The following HERC2 variants were observed in gnomAD, a reference collection of about 807,000 sequenced individuals.
The protein encoded by HERC2 is HECT and RLD domain containing E3 ubiquitin protein ligase 2, also known as E3 ubiquitin-protein ligase HERC2.
Under a neutral mutation model 537.7 loss-of-function variants are expected in HERC2, and 102 were observed. The ratio of observed to expected loss-of-function variants is 0.19; its 90% CI spans 0.16 to 0.22. The LOEUF is 0.22. Among genes scored for constraint, HERC2 ranks in the 10% least tolerant of loss-of-function variants. The probability of loss-of-function intolerance (pLI) is 1.00; values close to 1 mark genes in which losing one functional copy is unlikely to be tolerated. For synonymous variants in HERC2, 2,224 were observed against 2,466.2 expected (o/e 0.90, Z 2.91); for missense variants, 4,236 against 6,198.2 (o/e 0.68, Z 10.63).
chr15:28,191,209 A>G lies in HERC2; in HGVS notation c.8487T>C (p.Leu2829=), dbSNP rs749559341. The change falls in exon 54 of 93, where the codon CTT becomes CTC. Residue 2829 remains leucine (L), a synonymous_variant. Transcript: ENST00000261609. The part of the protein sequence containing the change: ...WIRLEIFPDV[L]VHRLKMIVDP... Reference sequence around the variant, plus strand: ...CTACGATCATTTTTAATCTATGAACAAGAACATCTGGGAAAATCTCCAAAC... The same window carrying G: ...CTACGATCATTTTTAATCTATGAACGAGAACATCTGGGAAAATCTCCAAAC... The G allele has an allele frequency of 1.9e-6, 3 of 1,613,878 alleles. No homozygotes were observed. The East Asian group carries it at 6.7e-5, about 36-fold the overall frequency.
In HERC2 at chr15:28,122,405, G is replaced by A. The variant is rs1201721908; in HGVS notation, c.13189-976C>T. 2.0e-5 allele frequency among the ~76,000 whole-genome samples: 3 copies of A among 152,310 alleles called. No homozygotes were observed. Among genetic ancestry groups the A allele is most frequent in the African/African-American group, 7.2e-5 (3 of 41,572 alleles). Reference sequence around the variant, plus strand: ...GGAGCACAAGGGTCCCTCAGTGGAGGCTGAGCCCTTGCCCAGCTCAAAGCC... The same window carrying A: ...GGAGCACAAGGGTCCCTCAGTGGAGACTGAGCCCTTGCCCAGCTCAAAGCC... On this transcript the variant is annotated intron_variant, in intron 85 of 92. Transcript: ENST00000261609. The surrounding 1 kb of genome is among the most constrained non-coding windows in gnomAD (Gnocchi z 4.1).
Position 28,292,938 on chromosome 15 carries a change from A to G in HERC2, c.272T>C (p.Ile91Thr), listed in dbSNP as rs1320478989. ...GTCCAGAATTGACTTGGCCCTATATATAGGTGCAGGAGTTTCTTCTTCATC... is the reference window on the plus strand; with the variant it reads ...GTCCAGAATTGACTTGGCCCTATATGTAGGTGCAGGAGTTTCTTCTTCATC... ...KKDEEETPAP[I>T]YRAKSILDSW... The change falls in exon 4 of 93, where the codon ATA becomes ACA. Residue 91 changes from isoleucine to threonine, a missense_variant. By Grantham distance (89) the Ile-to-Thr change is moderately conservative. This residue lies in a region of HERC2 where 491 missense variants were observed against 559.3 expected (regional missense o/e 0.88). Transcript: ENST00000261609. 6.2e-7 allele frequency: 1 copy of G among 1,611,150 alleles called. No homozygotes were observed. The highest frequency in any genetic ancestry group is 8.5e-7 in the Non-Finnish European group (1 of 1,179,554).
At chr15:28,227,391 T>A (rs1901306921) in intron 35 of HERC2, among the ~76,000 whole-genome samples, 1 of 151,706 alleles carries the variant, frequency 6.6e-6, no homozygotes, top group Non-Finnish European at 1.5e-5. Flanking sequence ...TCATTCATCA[T>A]TAGTGAAATG....
At position 28,218,050 on chromosome 15, in the gene HERC2, G is replaced by A. The variant is rs563547881; in HGVS notation, c.6028+439C>T. ...GAAGCCCTAACCCCTATCGTACCTCGGCAGGTGACCTTGTTTGGAAATAGG... is the reference window on the plus strand; with the variant it reads ...GAAGCCCTAACCCCTATCGTACCTCAGCAGGTGACCTTGTTTGGAAATAGG... On this transcript the variant is annotated intron_variant, in intron 38 of 92. Coordinates refer to ENST00000261609, the MANE Select transcript of HERC2 (RefSeq NM_004667.6). Among the ~76,000 whole-genome samples the A allele has an allele frequency of 3.2e-3, 492 of 151,800 alleles. 3 individuals carry two copies. The highest frequency in any genetic ancestry group is 9.6e-3 in the African/African-American group (397 of 41,142).
rs543007816 is a variant in HERC2 at position 28,186,748 on chromosome 15, T to A, written c.8654A>T (p.His2885Leu). The change falls in exon 56 of 93, where the codon CAC (histidine) becomes CTC (leucine). Residue 2885 changes from histidine (H) to leucine (L), a missense_variant. Physicochemically the swap from His to Leu is moderately conservative, Grantham distance 99 (BLOSUM62 -3). Transcript: ENST00000261609. ...CTTTATAGCAATTTCAATATACCTG[T>A]GATACTAGACACAAAAACCATGATC... ...VPLLNDCTEYHRYIEIAIKQC... is the reference protein window; with the variant it reads ...VPLLNDCTEYLRYIEIAIKQC... 19 of 1,611,844 alleles carry A rather than the reference T, an allele frequency of 1.2e-5. No homozygotes were observed. Among genetic ancestry groups the A allele is most frequent in the Admixed American group, 3.3e-5 (2 of 59,990 alleles).
intron 4 of HERC2, among the ~76,000 whole-genome samples, chr15:28,289,031 C>G (rs1274041534): frequency 6.6e-6 from 1 of 151,852 alleles, no homozygotes; most frequent in Admixed American, 6.6e-5. Flanking sequence ...AGTCAGAGCA[C>G]TGCCCCGCAG....
chr15:28,239,210 T>A (rs114983518), intron 23 of HERC2, among the ~76,000 whole-genome samples: 2,937 of 152,220 alleles, frequency 0.019, 97 homozygotes, highest in African/African-American at 0.067. Context: ...TGTGTTCAAT[T>A]AATAATCAAA....
chr15:28,309,154 T>C (rs111843121), intron 2 of HERC2, among the ~76,000 whole-genome samples: 291 of 152,312 alleles, frequency 1.9e-3, no homozygotes, highest in African/African-American at 6.6e-3. Context: ...TGAAATGTTC[T>C]AGAAATATCT....
chr15:28,146,099 C>T, intron 71 of HERC2, 138 bp downstream of exon 71: 1 of 639,706 alleles, frequency 1.6e-6, no homozygotes, highest in Non-Finnish European at 2.8e-6. Flanking sequence ...CTGTGTTTCA[C>T]AGCTGAATAG....
In HERC2 at chr15:28,132,751, C is replaced by A; in HGVS notation, c.12310G>T (p.Ala4104Ser). The A allele has an allele frequency of 6.2e-7, 1 of 1,608,564 alleles. No individual in the cohort carries two copies. The highest frequency in any genetic ancestry group is 8.5e-7 in the Non-Finnish European group (1 of 1,177,646). Residue 4104 changes from alanine (A) to serine (S), a missense_variant, in exon 80 of 93, where the codon GCC becomes TCC. Around this residue, in one of 27 missense-constraint regions of HERC2, gnomAD observed 94 missense variants for 137.4 expected, o/e 0.68. Transcript: ENST00000261609. ...VDVAAGGAHS[A>S]CVTAAGDLYT... ...AGGTCCCCGGCTGCTGTGACACAGG[C>A]GCTGTGGGCTCCGCCAGCAGCAACA...
chr15:28,260,679 A>T lies in HERC2; in HGVS notation c.2316+98T>A, dbSNP rs984601636. ...TTTAGCACAACTGCAGGACACAAGA[A>T]CAACAAACAAAACTCAGTGGTATTT... On this transcript the variant is annotated intron_variant, in intron 16 of 92. Transcript: ENST00000261609. 7.2e-6 allele frequency: 7 copies of T among 978,986 alleles called. No homozygotes were observed. In the African/African-American group the frequency reaches 9.7e-5, roughly 14 times the overall value. The allele number at this position is 978,986 out of a possible 1,614,324, so 60.6% of individuals were successfully genotyped here.
Position 28,179,167 on chromosome 15 carries a change from A to C in HERC2, c.8994T>G (p.Ala2998=). 1 of 1,613,214 alleles carries C rather than the reference A, an allele frequency of 6.2e-7. No individual in the cohort carries two copies. Among genetic ancestry groups the C allele is most frequent in the Non-Finnish European group, 8.5e-7 (1 of 1,179,642 alleles). The change falls in exon 58 of 93, where the codon GCT becomes GCG. Residue 2998 remains alanine, a synonymous_variant. Coordinates refer to ENST00000261609, the MANE Select transcript of HERC2 (RefSeq NM_004667.6). ...CTGCAAACAAACTTTTAGATCCACCAGCCACCTGTACCACATTCAAAGCTG... is the reference window on the plus strand; with the variant it reads ...CTGCAAACAAACTTTTAGATCCACCCGCCACCTGTACCACATTCAAAGCTG... The part of the protein sequence containing the change: ...TLSALNVVQV[A]GGSKSLFAVT...
chr15:28,310,714 T>C (rs1476235495), intron 2 of HERC2, among the ~76,000 whole-genome samples: 2 of 152,024 alleles, frequency 1.3e-5, no homozygotes, highest in Non-Finnish European at 2.9e-5. Flanking sequence ...CTTTAGGCAC[T>C]CAAGGGAATA....
At chr15:28,211,609 GGGAA>G (rs1899243705) in intron 43 of HERC2, among the ~76,000 whole-genome samples, 1 of 152,026 alleles carries the variant, frequency 6.6e-6, no homozygotes, top group Non-Finnish European at 1.5e-5. Flanking sequence ...AGCATGGGGT[GGGAA>G]GGAAGGAGGG....
chr15:28,129,147 G>A (rs533170455), intron 83 of HERC2, among the ~76,000 whole-genome samples: 14 of 152,258 alleles, frequency 9.2e-5, no homozygotes, highest in African/African-American at 2.9e-4. Flanking sequence ...TCCCCGGACC[G>A]CCCCACGCTC....
In HERC2 at chr15:28,177,202, C is replaced by T; in HGVS notation, c.9255-75G>A. The stretch of plus-strand genomic sequence containing the variant: ...AGATGAAGGAAAAAAGACATCTATA[C>T]TGATCCACATGTAGTCAACACAGGA... On this transcript the variant is annotated intron_variant, in intron 60 of 92. Coordinates refer to ENST00000261609, the MANE Select transcript of HERC2 (RefSeq NM_004667.6). The surrounding 1 kb of genome is among the most constrained non-coding windows in gnomAD (Gnocchi z 5.0). The T allele has an allele frequency of 7.0e-7, 1 of 1,436,858 alleles. No homozygotes were observed. The highest frequency in any genetic ancestry group is 9.5e-7 in the Non-Finnish European group (1 of 1,047,990). 89.0% of individuals were successfully genotyped at this position (1,436,858 alleles called of 1,614,324 possible).
intron 30 of HERC2, among the ~76,000 whole-genome samples, chr15:28,230,784 C>T (rs1901750671): frequency 6.6e-6 from 1 of 151,712 alleles, no homozygotes; most frequent in Non-Finnish European, 1.5e-5. Flanking sequence ...GTCTTTCAGG[C>T]CATGCAGTCT....
chr15:28,139,900 A>C lies in HERC2; in HGVS notation c.12015+1532T>G, dbSNP rs1891026687. Among the ~76,000 whole-genome samples, 6 of 149,896 alleles carry C rather than the reference A, an allele frequency of 4.0e-5. No individual in the cohort carries two copies. The South Asian group carries it at 1.3e-3, about 32-fold the overall frequency. Reference sequence around the variant, plus strand: ...ATGGCGAAACCCCATCTCTACTAAAAAAAAAAAAAAAAAAAAGATTAGCCA... The same window carrying C: ...ATGGCGAAACCCCATCTCTACTAAACAAAAAAAAAAAAAAAAGATTAGCCA... On this transcript the variant is annotated intron_variant, in intron 78 of 92. Coordinates refer to ENST00000261609, the MANE Select transcript of HERC2 (RefSeq NM_004667.6).
At chr15:28,287,094 A>C (rs373456240) in intron 4 of HERC2, among the ~76,000 whole-genome samples, 1 of 152,226 alleles carries the variant, frequency 6.6e-6, no homozygotes, top group East Asian at 1.9e-4. Context: ...TTTCATAATA[A>C]AACGTTGGAA....
Sources: allele counts gnomAD v4.1 joint callset (sites outside exome capture counted in the v4.1 genomes callset), GRCh38; gene constraint gnomAD v4.1.1; regional missense constraint gnomAD v4.1.1; non-coding constraint Gnocchi (gnomAD v3.1); transcripts MANE v1.5; gene names NCBI Gene and HGNC (gene_info 2026-07-23, HGNC 2026-07-21).